The following NIBAN2 variants were observed in gnomAD, a reference collection of about 807,000 sequenced individuals.
The protein encoded by NIBAN2 is protein Niban 2.
Under a neutral mutation model 81.8 loss-of-function variants are expected in NIBAN2, and 36 were observed. The observed-to-expected ratio is 0.44, with a 90% confidence interval of 0.34 to 0.58. The LOEUF (loss-of-function observed/expected upper bound fraction) is 0.58, where lower values mean the gene tolerates loss of function less well. Ranked by LOEUF, NIBAN2 falls within the 20% of genes least tolerant of loss-of-function variation. The pLI, the probability that NIBAN2 is intolerant of heterozygous loss-of-function variation, is 0.02. For missense variants in NIBAN2, 897 were observed against 1,014.1 expected (o/e 0.88, Z 1.57); for synonymous variants, 445 against 441.6 (o/e 1.01, Z -0.10).
At chr9:127,523,208 T>A (rs1280643461) in intron 5 of NIBAN2, among the ~76,000 whole-genome samples, 99 of 3,426 alleles carry the variant, frequency 0.029, 27 homozygotes, top group African/African-American at 0.08. Flanking sequence ...TATATATATA[T>A]ATATATATAT....
rs556377472 is a variant in NIBAN2 at position 127,523,471 on chromosome 9, C to T, written c.589+208G>A. 5.3e-5 allele frequency among the ~76,000 whole-genome samples: 8 copies of T among 151,710 alleles called. 1 individual carries two copies. In the South Asian group the frequency reaches 1.3e-3, roughly 24 times the overall value. Reference sequence around the variant, plus strand: ...ACACCCCTCTGTGAATAATTTCCTACTTTTTTCCTGAGCAGCACAAAACTG... The same window carrying T: ...ACACCCCTCTGTGAATAATTTCCTATTTTTTTCCTGAGCAGCACAAAACTG... On this transcript the variant is annotated intron_variant, in intron 5 of 13. Transcript: ENST00000373312.
Position 127,563,313 on chromosome 9 carries a change from T to A in NIBAN2, c.55+5507A>T, listed in dbSNP as rs1297794910. Among the ~76,000 whole-genome samples, 1 of 152,174 alleles carries A rather than the reference T, an allele frequency of 6.6e-6. No homozygotes were observed. The highest frequency in any genetic ancestry group is 1.5e-5 in the Non-Finnish European group (1 of 68,024). ...AAGACCCAACAGAGAGACAGCATCA[T>A]CCCCAGACACTTCGCCCCCAGGGGC... On this transcript the variant is annotated intron_variant, in intron 1 of 13. Transcript: ENST00000373312. The surrounding 1 kb of genome is among the most constrained non-coding windows in gnomAD (Gnocchi z 4.1).
intron 1 of NIBAN2, among the ~76,000 whole-genome samples, chr9:127,567,548 C>G (rs754425523): frequency 8.5e-5 from 13 of 152,242 alleles, no homozygotes; most frequent in Non-Finnish European, 1.6e-4. Flanking sequence ...CAGATCTCCC[C>G]AGCACCTCCC....
chr9:127,531,885 G>A, intron 1 of NIBAN2, 107 bp from the exon 2 acceptor site: 2 of 1,474,224 alleles, frequency 1.4e-6, no homozygotes, highest in Non-Finnish European at 9.3e-7. Flanking sequence ...CCTGCATGTG[G>A]AATTGTTTGC....
At chr9:127,542,551 A>T (rs1292856139) in intron 1 of NIBAN2, among the ~76,000 whole-genome samples, 1 of 152,206 alleles carries the variant, frequency 6.6e-6, no homozygotes, top group Non-Finnish European at 1.5e-5. Context: ...ATTCCTCACC[A>T]CGGAAACGGA....
chr9:127,554,552 T>C (rs4311745), intron 1 of NIBAN2, among the ~76,000 whole-genome samples: 2,264 of 106,278 alleles, frequency 0.021, 10 homozygotes, highest in African/African-American at 0.027. Flanking sequence ...CTTTTTCTTT[T>C]TTTTTTTTTT....
intron 2 of NIBAN2, among the ~76,000 whole-genome samples, chr9:127,531,249 A>G (rs7028553): frequency 0.023 from 3,424 of 151,106 alleles, 119 homozygotes; most frequent in African/African-American, 0.079. Context: ...TTGGGAGGCT[A>G]AGGCAGTCAG....
rs541599134 is a variant in NIBAN2, at chr9:127,527,301, C to G, written c.208G>C (p.Val70Leu). The change falls in exon 3 of 14, where the codon GTC (valine) becomes CTC (leucine). Residue 70 changes from valine (V) to leucine (L), a missense_variant. By Grantham distance (32) the Val-to-Leu change is conservative. This residue lies in a region of NIBAN2 where 209 missense variants were observed against 208.4 expected (regional missense o/e 1.00). Coordinates refer to ENST00000373312, the MANE Select transcript of NIBAN2 (RefSeq NM_022833.4). ...WRKVPLDERI[V>L]FSGNLFQHQE... ...TGCTGGAAGAGGTTCCCCGAGAAGACGATGCGCTCGTCCAGTGGCACCTGT... is the reference window on the plus strand; with the variant it reads ...TGCTGGAAGAGGTTCCCCGAGAAGAGGATGCGCTCGTCCAGTGGCACCTGT... 5 of 1,613,154 alleles carry G rather than the reference C, an allele frequency of 3.1e-6. No individual in the cohort carries two copies. The highest frequency in any genetic ancestry group is 4.2e-6 in the Non-Finnish European group (5 of 1,179,864).
chr9:127,534,682 G>T (rs1225515748), intron 1 of NIBAN2, among the ~76,000 whole-genome samples: 1 of 152,180 alleles, frequency 6.6e-6, no homozygotes, highest in Non-Finnish European at 1.5e-5. Flanking sequence ...CTGGAGTGAG[G>T]TCATGTCTGT....
In NIBAN2 at chr9:127,506,539, C is replaced by T. The variant is rs556978964; in HGVS notation, c.*306G>A. 2.1e-5 allele frequency: 6 copies of T among 291,114 alleles called. No individual in the cohort carries two copies. In the Admixed American group the frequency reaches 2.9e-4, roughly 14 times the overall value. The allele number at this position is 291,114 out of a possible 1,614,324, so 18.0% of individuals were successfully genotyped here. A position where few individuals can be genotyped will look rare whatever the true frequency, so the allele number is the denominator to read the frequency against. The stretch of plus-strand genomic sequence containing the variant: ...AGCACCCATGAGGGGATGGAGGCCA[C>T]AGAAGGACAGGAAGGGAGGGGCTTT... On this transcript the variant is annotated 3_prime_UTR_variant, in exon 14 of 14. Transcript: ENST00000373312.
rs1364471184 is a variant in NIBAN2 at position 127,578,910 on chromosome 9, C to T, written c.16+12G>A. On this transcript the variant is annotated intron_variant, in intron 1 of 13. Transcript: ENST00000373314. ...GTGCCTTGTGTCCTGGGGACTTGTG[C>T]ACAAGTCTTACCTCCCATCCACCCC... is the stretch of plus-strand genomic sequence containing the variant. 9 of 1,610,546 alleles carry T rather than the reference C, an allele frequency of 5.6e-6. No individual in the cohort carries two copies. The South Asian group carries it at 8.8e-5, about 16-fold the overall frequency.
chr9:127,566,926 G>A (rs1837868324), intron 1 of NIBAN2, among the ~76,000 whole-genome samples: 5 of 142,014 alleles, frequency 3.5e-5, no homozygotes, highest in Admixed American at 2.9e-4. Flanking sequence ...ACTCCCCTCA[G>A]GTGAGTCTGG....
At chr9:127,518,027 C>T in intron 5 of NIBAN2, 86 bp from the exon 6 acceptor site, 1 of 769,802 alleles carries the variant, frequency 1.3e-6, no homozygotes, top group East Asian at 2.8e-5. Flanking sequence ...CCAAAACCCC[C>T]CCCACACACA....
Position 127,559,961 on chromosome 9 carries a change from A to G in NIBAN2, c.55+8859T>C, listed in dbSNP as rs1837741931. Among the ~76,000 whole-genome samples, 1 of 152,196 alleles carries G rather than the reference A, an allele frequency of 6.6e-6. No individual in the cohort carries two copies. The highest frequency in any genetic ancestry group is 1.5e-5 in the Non-Finnish European group (1 of 68,034). ...TGCACAACAGCCTCAGGGGCCTGGG[A>G]TACTGCTGTGTCCACTTTACAGATG... On this transcript the variant is annotated intron_variant, in intron 1 of 13. Transcript: ENST00000373312. This position sits in a 1 kb window ranked among gnomAD's most constrained non-coding sequence, Gnocchi z 4.0.
rs1837279373 is a variant in NIBAN2 at position 127,536,394 on chromosome 9, C to A, written c.56-4616G>T. ...AGGACCCAGCCTGGCCACCGCCTTA[C>A]CTGCTGAGCTCTGGGGCTGCAGTCC... On this transcript the variant is annotated intron_variant, in intron 1 of 13. Coordinates refer to ENST00000373312, the MANE Select transcript of NIBAN2 (RefSeq NM_022833.4). The surrounding 1 kb of genome is among the most constrained non-coding windows in gnomAD (Gnocchi z 4.0). 6.6e-6 allele frequency among the ~76,000 whole-genome samples: 1 copy of A among 152,214 alleles called. No homozygotes were observed. Among genetic ancestry groups the A allele is most frequent in the African/African-American group, 2.4e-5 (1 of 41,452 alleles).
chr9:127,549,327 C>T (rs539428301), intron 1 of NIBAN2, among the ~76,000 whole-genome samples: 3 of 152,186 alleles, frequency 2.0e-5, no homozygotes, highest in Non-Finnish European at 4.4e-5. Flanking sequence ...TATGCCCACA[C>T]GCATGCACAC....
At position 127,517,069 on chromosome 9, in the gene NIBAN2, G is replaced by A; in HGVS notation, c.810+43C>T. ...CACCAGGGCTGAGGGCACCGCACCA[G>A]CTGCAGGTCCCGTCCCCGCTCCAGG... On this transcript the variant is annotated intron_variant, in intron 7 of 13. Transcript: ENST00000373312. The surrounding 1 kb of genome is among the most constrained non-coding windows in gnomAD (Gnocchi z 4.0). The A allele has an allele frequency of 2.5e-6, 4 of 1,610,500 alleles. No homozygotes were observed. The highest frequency in any genetic ancestry group is 2.7e-5 in the African/African-American group (2 of 74,996).
intron 2 of NIBAN2, among the ~76,000 whole-genome samples, chr9:127,530,479 C>T (rs1317312254): frequency 2.6e-5 from 4 of 151,778 alleles, no homozygotes; most frequent in East Asian, 1.9e-4. Flanking sequence ...AGTCCCGCCC[C>T]CGGCCCCGTG....
At chr9:127,534,906 T>C (rs902495728) in intron 1 of NIBAN2, among the ~76,000 whole-genome samples, 1 of 152,150 alleles carries the variant, frequency 6.6e-6, no homozygotes, top group African/African-American at 2.4e-5. Context: ...ATCGGTACCA[T>C]GGTTGTCATC....
Sources: gnomAD v4.1 joint callset for allele counts (sites outside exome capture counted in the v4.1 genomes callset) on GRCh38, gnomAD v4.1.1 for gene constraint, gnomAD v4.1.1 regional missense constraint, Gnocchi (gnomAD v3.1) non-coding constraint, MANE v1.5 for transcripts, NCBI Gene and HGNC (gene_info 2026-07-23, HGNC 2026-07-21) for gene names.